PTPN4: variants seen among roughly 807,000 people sequenced by gnomAD.
The protein encoded by PTPN4 is tyrosine-protein phosphatase non-receptor type 4.
PTPN4 carries 49 observed loss-of-function variants against 135.5 expected under a neutral mutation model. The ratio of observed to expected loss-of-function variants is 0.36; its 90% CI spans 0.29 to 0.46. The LOEUF is 0.46. Ranked by LOEUF, PTPN4 falls within the 20% of genes least tolerant of loss-of-function variation. The pLI is 1.00. For synonymous variants in PTPN4, 333 were observed against 369.9 expected, an observed-to-expected ratio of 0.90 and a Z score of 1.14; for missense variants, 860 against 1,101.0, an observed-to-expected ratio of 0.78 and a Z score of 3.10.
At chr2:119,908,977 TTTAA>T (rs1166321057) in intron 10 of PTPN4, among the ~76,000 whole-genome samples, 2 of 152,124 alleles carry the variant, frequency 1.3e-5, no homozygotes, top group Non-Finnish European at 2.9e-5. Context: ...CCTAACTCTC[TTTAA>T]TTATGTGAAG....
At chr2:119,867,792 C>T (rs1677854353) in intron 3 of PTPN4, among the ~76,000 whole-genome samples, 1 of 152,212 alleles carries the variant, frequency 6.6e-6, no homozygotes, top group Admixed American at 6.5e-5. Context: ...TGCTAATACA[C>T]ATTACTGTTA....
Position 119,932,474 on chromosome 2 carries a change from G to C in PTPN4, c.1121G>C (p.Ser374Thr). ...ARKLMDWEVV[S>T]RNSISDDRLE... The stretch of plus-strand genomic sequence containing the variant: ...AAATTAATGGATTGGGAAGTAGTAA[G>C]CAGAAATTCAATATCTGATGACAGG... The change falls in exon 14 of 27, where the codon AGC becomes ACC. Residue 374 changes from serine to threonine, a missense_variant. Ser to Thr is a moderately conservative substitution (Grantham distance 58, BLOSUM62 1). This residue lies in a region of PTPN4 where 684 missense variants were observed against 807.0 expected (regional missense o/e 0.85). Coordinates refer to ENST00000263708, the MANE Select transcript of PTPN4 (RefSeq NM_002830.4). 1 of 1,611,224 alleles carries C rather than the reference G, an allele frequency of 6.2e-7. No individual in the cohort carries two copies. The highest frequency in any genetic ancestry group is 8.5e-7 in the Non-Finnish European group (1 of 1,177,658).
At chr2:119,782,405 C>T (rs528550314) in intron 1 of PTPN4, among the ~76,000 whole-genome samples, 7 of 151,934 alleles carry the variant, frequency 4.6e-5, no homozygotes, top group South Asian at 2.1e-4. Context: ...GGCGACAGAG[C>T]GAGACTCCGT....
intron 18 of PTPN4, among the ~76,000 whole-genome samples, chr2:119,949,248 T>A (rs1166542780): frequency 1.3e-5 from 2 of 152,166 alleles, no homozygotes; most frequent in Non-Finnish European, 2.9e-5. Context: ...GTCATTCTAT[T>A]GGGGGAAAAA....
rs779045976 is a variant in PTPN4, at chr2:119,843,218, C to CTT, written c.139-19299_139-19298dup. ...CTGCCAAGAATTGGTATGCATTTTT[C>CTT]TTTTTTTTTTTTTTTTTTTTGCACC... On this transcript the variant is annotated intron_variant, in intron 2 of 26. Coordinates refer to ENST00000263708, the MANE Select transcript of PTPN4 (RefSeq NM_002830.4). Among the ~76,000 whole-genome samples the CTT allele has an allele frequency of 1.2e-3, 131 of 107,276 alleles. 2 individuals are homozygous for CTT. The highest frequency in any genetic ancestry group is 2.0e-3 in the African/African-American group (56 of 27,616). 70.4% of individuals were successfully genotyped at this position (107,276 alleles called of 152,430 possible). A position where few individuals can be genotyped will look rare whatever the true frequency, so the allele number is the denominator to read the frequency against.
intron 19 of PTPN4, among the ~76,000 whole-genome samples, chr2:119,953,263 A>G (rs1299409983): frequency 6.6e-6 from 1 of 152,234 alleles, no homozygotes; most frequent in African/African-American, 2.4e-5. Context: ...CCACTTGAAT[A>G]TGTACCATAG....
At position 119,978,049 on chromosome 2, in the gene PTPN4, A is replaced by G. The variant is rs1679643094; in HGVS notation, c.*979A>G. The G allele has an allele frequency of 1.3e-5, 2 of 152,216 alleles. No individual in the cohort carries two copies. Among genetic ancestry groups the G allele is most frequent in the Non-Finnish European group, 2.9e-5 (2 of 68,032 alleles). 9.4% of individuals were successfully genotyped at this position (152,216 alleles called of 1,614,324 possible). ...AAGAAGCAAAGATAATTTGTGTTCT[A>G]CTGAGTGCACACTGCTGCTATGGAA... is the stretch of plus-strand genomic sequence containing the variant. On this transcript the variant is annotated 3_prime_UTR_variant, in exon 27 of 27. Transcript: ENST00000263708.
At chr2:119,810,014 A>G (rs1346916352) in intron 2 of PTPN4, 23 bp downstream of exon 2, 2 of 1,589,866 alleles carry the variant, frequency 1.3e-6, no homozygotes, top group Non-Finnish European at 8.6e-7. Flanking sequence ...TGTCTTTTAA[A>G]AAATAATCTC....
intron 12 of PTPN4, among the ~76,000 whole-genome samples, chr2:119,924,697 CCTTT>C (rs888051923): frequency 1.2e-4 from 17 of 147,680 alleles, no homozygotes; most frequent in African/African-American, 4.4e-4. Context: ...GAAATATAAG[CCTTT>C]CTTTCATTAA....
chr2:119,923,680 A>G (rs944690947), intron 12 of PTPN4, among the ~76,000 whole-genome samples: 1 of 151,858 alleles, frequency 6.6e-6, no homozygotes, highest in African/African-American at 2.4e-5. Flanking sequence ...ATAAAAAAAT[A>G]ACTTTTTATC....
chr2:119,895,707 G>A (rs894069124), intron 9 of PTPN4, among the ~76,000 whole-genome samples: 6 of 152,228 alleles, frequency 3.9e-5, no homozygotes, highest in African/African-American at 1.4e-4. Flanking sequence ...GGATCACGAG[G>A]TCAGGAGATC....
chr2:119,947,432 C>T (rs1014720672), intron 18 of PTPN4, among the ~76,000 whole-genome samples: 32 of 151,668 alleles, frequency 2.1e-4, no homozygotes, highest in South Asian at 2.1e-4. Context: ...TTGTTTTTTG[C>T]GAAAATAACA....
chr2:119,865,969 G>C (rs3106249), intron 3 of PTPN4, among the ~76,000 whole-genome samples: 1 of 151,928 alleles, frequency 6.6e-6, no homozygotes, highest in Non-Finnish European at 1.5e-5. Context: ...ATGAGTTCCA[G>C]TGCAACAAAG....
chr2:119,782,148 G>A (rs1208677211), intron 1 of PTPN4, among the ~76,000 whole-genome samples: 1 of 152,128 alleles, frequency 6.6e-6, no homozygotes, highest in Non-Finnish European at 1.5e-5. Context: ...TGGGCGCGGT[G>A]GCTCACGCCT....
At chr2:119,874,289 T>G in intron 3 of PTPN4, among the ~76,000 whole-genome samples, 1 of 152,170 alleles carries the variant, frequency 6.6e-6, no homozygotes, top group Non-Finnish European at 1.5e-5. Flanking sequence ...AAGTTAAATA[T>G]ACAATTATCC....
intron 2 of PTPN4, among the ~76,000 whole-genome samples, chr2:119,834,613 C>G (rs1414375984): frequency 6.6e-6 from 1 of 151,876 alleles, no homozygotes; most frequent in Non-Finnish European, 1.5e-5. Context: ...AAATATAATA[C>G]CCTTCCATTG....
At chr2:119,794,445 T>C (rs1691215251) in intron 1 of PTPN4, among the ~76,000 whole-genome samples, 1 of 152,198 alleles carries the variant, frequency 6.6e-6, no homozygotes, top group Admixed American at 6.5e-5. Flanking sequence ...CCAGCCACTG[T>C]GCACAGCCAG....
At chr2:119,974,360 C>T (rs1451758032) in intron 26 of PTPN4, among the ~76,000 whole-genome samples, 3 of 152,052 alleles carry the variant, frequency 2.0e-5, no homozygotes, top group African/African-American at 2.4e-5. Flanking sequence ...TGCAGGCGCC[C>T]GCCACCAGGC....
At chr2:119,847,054 A>G (rs979276201) in intron 2 of PTPN4, among the ~76,000 whole-genome samples, 2 of 150,710 alleles carry the variant, frequency 1.3e-5, no homozygotes, top group Non-Finnish European at 3.0e-5. Flanking sequence ...TTAGCCTTCT[A>G]TTGATCATTT....
Sources: gnomAD v4.1 joint callset for allele counts (sites outside exome capture counted in the v4.1 genomes callset) on GRCh38, gnomAD v4.1.1 for gene constraint, gnomAD v4.1.1 regional missense constraint, MANE v1.5 for transcripts, NCBI Gene and HGNC (gene_info 2026-07-23, HGNC 2026-07-21) for gene names.